Variants in WDR64 observed in about 807,000 individuals in gnomAD.
WDR64 encodes WD repeat-containing protein 64.
In WDR64, 112 loss-of-function variants were observed where a neutral mutation model predicts 139.3. The ratio of observed to expected loss-of-function variants is 0.80; its 90% confidence interval spans 0.69 to 0.94. WDR64 has a LOEUF of 0.94. Among genes scored for constraint, WDR64 ranks in the 40% least tolerant of loss-of-function variants. The pLI, the probability that WDR64 is intolerant of heterozygous loss-of-function variation, is 0.00. For missense variants in WDR64, 1,206 were observed against 1,293.1 expected (o/e 0.93, Z 1.03); for synonymous variants, 444 against 437.7 (o/e 1.01, Z -0.18).
At chr1:241,701,019 A>G (rs2148145853) in intron 8 of WDR64, among the ~76,000 whole-genome samples, 1 of 152,328 alleles carries the variant, frequency 6.6e-6, no homozygotes, top group African/African-American at 2.4e-5. Flanking sequence ...TTGTTCAAGC[A>G]TTAGGATCTG....
chr1:241,792,139 G>A (rs1659230512), intron 25 of WDR64, among the ~76,000 whole-genome samples: 2 of 152,094 alleles, frequency 1.3e-5, no homozygotes, highest in Admixed American at 1.3e-4. Context: ...GAGCATTCCT[G>A]TCTGTCTTCT....
chr1:241,801,153 A>C lies in WDR64; in HGVS notation c.3214A>C (p.Lys1072Gln). The change falls in exon 28 of 28, where the codon AAA becomes CAA. Residue 1072 changes from lysine (K) to glutamine (Q), a missense_variant. Lys to Gln is a moderately conservative substitution (Grantham distance 53). Transcript: ENST00000437684. ...ACAGGCACCACGAAGAAGAAGTTTG[A>C]AAAAAAATTTAGTCCCACAAATAAA... is the stretch of plus-strand genomic sequence containing the variant. ...REKAPRRRSLKKNLVPQINLA... is the reference protein window; with the variant it reads ...REKAPRRRSLQKNLVPQINLA... The C allele has an allele frequency of 1.9e-6, 3 of 1,612,354 alleles. No individual in the cohort carries two copies. Among genetic ancestry groups the C allele is most frequent in the Non-Finnish European group, 2.5e-6 (3 of 1,178,880 alleles).
At chr1:241,788,781 G>T (rs915449723) in intron 24 of WDR64, among the ~76,000 whole-genome samples, 5 of 152,222 alleles carry the variant, frequency 3.3e-5, no homozygotes, top group Admixed American at 1.3e-4. Context: ...GACCCCATCA[G>T]AGTGTTCAAG....
At chr1:241,758,071 T>C (rs1670275336) in intron 15 of WDR64, among the ~76,000 whole-genome samples, 1 of 152,170 alleles carries the variant, frequency 6.6e-6, no homozygotes, top group South Asian at 2.1e-4. Context: ...TATCTTTTTT[T>C]TCTCTCCTTG....
intron 22 of WDR64, among the ~76,000 whole-genome samples, chr1:241,782,627 C>A (rs1366043171): frequency 6.6e-6 from 1 of 152,026 alleles, no homozygotes; most frequent in African/African-American, 2.4e-5. Flanking sequence ...CACGAGAGGC[C>A]CTAAACTTGA....
At chr1:241,664,963 A>G (rs894280446) in intron 2 of WDR64, among the ~76,000 whole-genome samples, 2 of 152,112 alleles carry the variant, frequency 1.3e-5, no homozygotes, top group African/African-American at 4.8e-5. Context: ...TTGAGAGGCC[A>G]AGGCAGGAGG....
chr1:241,795,116 A>C, intron 25 of WDR64, 91 bp from the exon 26 acceptor site: 1 of 1,085,484 alleles, frequency 9.2e-7, no homozygotes. Context: ...TCACACATCT[A>C]ATAAGTGACA....
intron 9 of WDR64, among the ~76,000 whole-genome samples, chr1:241,722,032 T>C (rs1668631351): frequency 6.6e-6 from 1 of 152,030 alleles, no homozygotes; most frequent in Admixed American, 6.6e-5. Flanking sequence ...AAACTGTGTG[T>C]GTGTGTGTGT....
chr1:241,789,836 C>G (rs1460876719), intron 24 of WDR64, among the ~76,000 whole-genome samples: 1 of 152,116 alleles, frequency 6.6e-6, no homozygotes, highest in Non-Finnish European at 1.5e-5. Flanking sequence ...CCCCATGACA[C>G]AAGTTTACCG....
chr1:241,678,613 G>C (rs145119417), intron 5 of WDR64, among the ~76,000 whole-genome samples: 1 of 152,104 alleles, frequency 6.6e-6, no homozygotes, highest in African/African-American at 2.4e-5. Flanking sequence ...AACATTAAAA[G>C]TTTGAGTACA....
intron 14 of WDR64, among the ~76,000 whole-genome samples, chr1:241,751,465 C>T (rs1490344151): frequency 1.3e-5 from 2 of 151,986 alleles, no homozygotes; most frequent in African/African-American, 4.8e-5. Context: ...AAAACAAAAA[C>T]AAAAACAAAA....
At position 241,783,264 on chromosome 1, in the gene WDR64, C is replaced by T. The variant is rs1016355184; in HGVS notation, c.2596-8C>T. On this transcript the variant is annotated splice_polypyrimidine_tract_variant and splice_region_variant and intron_variant, in intron 22 of 27. Coordinates refer to ENST00000437684, the MANE Select transcript of WDR64 (RefSeq NM_001367482.1). ...TTCCGAGGAATATGCCTTGTTTTTGCTATCTAGAAATTCAAGCAGCTGCTT... is the reference window on the plus strand; with the variant it reads ...TTCCGAGGAATATGCCTTGTTTTTGTTATCTAGAAATTCAAGCAGCTGCTT... 6 of 1,609,430 alleles carry T rather than the reference C, an allele frequency of 3.7e-6. No individual in the cohort carries two copies. In the South Asian group the frequency reaches 5.5e-5, roughly 15 times the overall value.
intron 1 of WDR64, among the ~76,000 whole-genome samples, chr1:241,657,085 G>A (rs1041406299): frequency 6.6e-6 from 1 of 151,686 alleles, no homozygotes; most frequent in Admixed American, 6.6e-5. Context: ...CTATCTCTAG[G>A]GTGCCTGTAT....
intron 20 of WDR64, among the ~76,000 whole-genome samples, chr1:241,773,593 G>A (rs566484133): frequency 1.3e-5 from 2 of 152,094 alleles, no homozygotes; most frequent in Non-Finnish European, 2.9e-5. Context: ...CTCGGCCTTC[G>A]AGTAGCTGAG....
intron 21 of WDR64, among the ~76,000 whole-genome samples, chr1:241,775,669 C>A (rs1457562337): frequency 1.3e-5 from 2 of 151,986 alleles, no homozygotes; most frequent in African/African-American, 2.4e-5. Flanking sequence ...AAAATTCTTT[C>A]TTCCATTCTT....
chr1:241,722,517 A>C (rs1467038377), intron 9 of WDR64, among the ~76,000 whole-genome samples: 2 of 152,210 alleles, frequency 1.3e-5, no homozygotes, highest in African/African-American at 4.8e-5. Context: ...AAAAACTAGA[A>C]TTAGTGGACT....
intron 24 of WDR64, among the ~76,000 whole-genome samples, chr1:241,788,568 G>T (rs1025689627): frequency 9.2e-5 from 14 of 152,190 alleles, no homozygotes; most frequent in African/African-American, 3.4e-4. Context: ...AGTCCAAATG[G>T]AAAGAATCAG....
In WDR64 at chr1:241,773,605, C is replaced by T. The variant is rs117639498; in HGVS notation, c.2430+674C>T. On this transcript the variant is annotated intron_variant, in intron 20 of 27. Coordinates refer to ENST00000437684, the MANE Select transcript of WDR64 (RefSeq NM_001367482.1). ...TGCCTCGGCCTTCGAGTAGCTGAGG[C>T]TATAGGCGTGTGCCAGCACACCCAG... Among the ~76,000 whole-genome samples, 83 of 152,192 alleles carry T rather than the reference C, an allele frequency of 5.5e-4. No individual in the cohort carries two copies. In the South Asian group the frequency reaches 0.012, roughly 22 times the overall value.
chr1:241,717,290 G>A (rs2148187615), intron 9 of WDR64, among the ~76,000 whole-genome samples: 1 of 152,248 alleles, frequency 6.6e-6, no homozygotes, highest in East Asian at 1.9e-4. Context: ...AAATTTTAGA[G>A]CTGGATGGAG....
Sources: allele counts gnomAD v4.1 joint callset (sites outside exome capture counted in the v4.1 genomes callset), GRCh38; gene constraint gnomAD v4.1.1; transcripts MANE v1.5; gene names NCBI Gene and HGNC (gene_info 2026-07-23, HGNC 2026-07-21).